Variants in DIAPH2 observed in about 807,000 individuals in gnomAD.
DIAPH2 encodes diaphanous related formin 2.
DIAPH2 carries 35 observed loss-of-function variants against 92.7 expected under a neutral mutation model. That is an observed-to-expected ratio of 0.38 (90% CI 0.29 to 0.50). DIAPH2 has a LOEUF of 0.50. Among genes scored for constraint, DIAPH2 ranks in the 20% least tolerant of loss-of-function variants. DIAPH2 has a pLI of 0.94. For synonymous variants in DIAPH2, 301 were observed against 280.4 expected, an observed-to-expected ratio of 1.07 and a Z score of -0.73; for missense variants, 701 against 819.5, an observed-to-expected ratio of 0.86 and a Z score of 1.77.
chrX:97,596,358 G>C (rs1030562477), intron 26 of DIAPH2, among the ~76,000 whole-genome samples: 47 of 111,617 alleles, frequency 4.2e-4, no homozygotes, highest in African/African-American at 1.4e-3. Flanking sequence ...TTCTCTCTTT[G>C]ATTTCCAAAA....
At chrX:96,820,742 A>G (rs1179283047) in intron 4 of DIAPH2, among the ~76,000 whole-genome samples, 2 of 112,229 alleles carry the variant, frequency 1.8e-5, no homozygotes, top group Non-Finnish European at 3.8e-5. Flanking sequence ...TGGAGCTTGC[A>G]GTAAAGAGTA....
Position 96,904,479 on chromosome X carries a change from G to A in DIAPH2, c.588-7849G>A, listed in dbSNP as rs183818662. Among the ~76,000 whole-genome samples the A allele has an allele frequency of 3.7e-3, 419 of 111,865 alleles. 1 individual carries two copies. Among genetic ancestry groups the A allele is most frequent in the African/African-American group, 0.013 (397 of 30,843 alleles). On this transcript the variant is annotated intron_variant, in intron 5 of 26. Transcript: ENST00000324765. Reference sequence around the variant, plus strand: ...TATGTTTTTATGGATCTAAGACCAAGTCAGTTGTAGTGTACACAAATCCAC... The same window carrying A: ...TATGTTTTTATGGATCTAAGACCAAATCAGTTGTAGTGTACACAAATCCAC...
intron 24 of DIAPH2, among the ~76,000 whole-genome samples, chrX:97,353,816 C>T (rs1421118368): frequency 9.0e-6 from 1 of 110,863 alleles, no homozygotes; most frequent in Non-Finnish European, 1.9e-5. Context: ...CTTCTACTTC[C>T]CAGATTGACT....
chrX:97,265,493 T>C, intron 23 of DIAPH2, among the ~76,000 whole-genome samples: 1 of 111,598 alleles, frequency 9.0e-6, no homozygotes, highest in Non-Finnish European at 1.9e-5. Context: ...AACCAGGTTA[T>C]GTGATGGTGA....
chrX:97,465,273 C>CACACACACACACACA (rs1569404531), intron 26 of DIAPH2, among the ~76,000 whole-genome samples: 125 of 106,874 alleles, frequency 1.2e-3, no homozygotes, highest in African/African-American at 4.1e-3. Flanking sequence ...TAGAATTCAC[C>CACACACACACACACA]CACACACACA....
intron 24 of DIAPH2, among the ~76,000 whole-genome samples, chrX:97,358,480 A>G (rs1250844854): frequency 9.0e-6 from 1 of 111,659 alleles, no homozygotes; most frequent in East Asian, 2.8e-4. Context: ...TTTCAGGATT[A>G]CCTGCAAAAG....
intron 22 of DIAPH2, among the ~76,000 whole-genome samples, chrX:97,159,645 C>A (rs1001314752): frequency 8.9e-6 from 1 of 111,778 alleles, no homozygotes; most frequent in African/African-American, 3.3e-5. Flanking sequence ...TGCATACAAC[C>A]ATAGCCACAT....
intron 26 of DIAPH2, among the ~76,000 whole-genome samples, chrX:97,589,935 G>T (rs771535929): frequency 8.9e-6 from 1 of 112,215 alleles, no homozygotes; most frequent in African/African-American, 3.2e-5. Context: ...CTTTTGACTG[G>T]CTTCTACCTT....
intron 25 of DIAPH2, among the ~76,000 whole-genome samples, chrX:97,405,994 C>A (rs2069806590): frequency 9.0e-6 from 1 of 111,566 alleles, no homozygotes; most frequent in Admixed American, 9.5e-5. Context: ...TCCAGGGCCA[C>A]CCTGGAAAAC....
chrX:97,265,541 G>A (rs749881069), intron 23 of DIAPH2, among the ~76,000 whole-genome samples: 7 of 111,758 alleles, frequency 6.3e-5, no homozygotes, highest in South Asian at 3.7e-4. Flanking sequence ...CCTTTTTGTC[G>A]TGGTGACGTT....
intron 4 of DIAPH2, among the ~76,000 whole-genome samples, chrX:96,838,829 A>G (rs965952489): frequency 5.3e-5 from 6 of 112,227 alleles, no homozygotes; most frequent in African/African-American, 1.9e-4. Context: ...TTCTTGTACA[A>G]ATGAGCCTAG....
chrX:96,884,520 A>G (rs751403798), intron 5 of DIAPH2: 9 of 1,210,309 alleles, frequency 7.4e-6, no homozygotes, highest in Non-Finnish European at 1.0e-5. Context: ...GGGGAATTAT[A>G]GTTTCCCAGG....
At chrX:96,897,275 C>T (rs1159803302) in intron 5 of DIAPH2, among the ~76,000 whole-genome samples, 1 of 111,255 alleles carries the variant, frequency 9.0e-6, no homozygotes, top group Admixed American at 9.6e-5. Context: ...AGACATCACC[C>T]AAGCAGTGTA....
chrX:97,194,449 T>C (rs2067682984), intron 22 of DIAPH2, among the ~76,000 whole-genome samples: 1 of 109,700 alleles, frequency 9.1e-6, no homozygotes, highest in African/African-American at 3.3e-5. Flanking sequence ...GCCCGGCTAA[T>C]TTCTTTTTGT....
intron 26 of DIAPH2, among the ~76,000 whole-genome samples, chrX:97,474,199 A>G (rs2070586435): frequency 8.9e-6 from 1 of 112,136 alleles, no homozygotes; most frequent in Non-Finnish European, 1.9e-5. Context: ...TAGATCATCA[A>G]TGAGTACTTA....
chrX:97,387,673 AAAT>A (rs1224797852), intron 25 of DIAPH2, among the ~76,000 whole-genome samples: 1 of 112,089 alleles, frequency 8.9e-6, no homozygotes, highest in Non-Finnish European at 1.9e-5. Context: ...GAAACTACCA[AAAT>A]AATGTTTGAC....
At chrX:97,079,939 G>GT (rs759047031) in intron 19 of DIAPH2, among the ~76,000 whole-genome samples, 28 of 108,808 alleles carry the variant, frequency 2.6e-4, no homozygotes, top group African/African-American at 9.0e-4. Flanking sequence ...TTTTTCTATA[G>GT]TTTTTTCTTG....
rs191709225 is a variant in DIAPH2 at position 97,016,923 on chromosome X, G to A, written c.2050+51716G>A. ...AGTTTCACGGAGAAACGTGGTGGTG[G>A]TCTAGTCTTGCTGGTTAATGTTGAA... is the stretch of plus-strand genomic sequence containing the variant. On this transcript the variant is annotated intron_variant, in intron 17 of 26. Coordinates refer to ENST00000324765, the MANE Select transcript of DIAPH2 (RefSeq NM_006729.5). Among the ~76,000 whole-genome samples the A allele has an allele frequency of 9.8e-5, 11 of 112,082 alleles. No individual in the cohort carries two copies. The East Asian group carries it at 3.1e-3, about 31-fold the overall frequency.
At chrX:97,324,334 A>G (rs991166618) in intron 23 of DIAPH2, among the ~76,000 whole-genome samples, 2 of 112,053 alleles carry the variant, frequency 1.8e-5, no homozygotes, top group African/African-American at 6.5e-5. Context: ...CTGTCATTTC[A>G]TATAAAATTC....
Sources: gnomAD v4.1 joint callset for allele counts (sites outside exome capture counted in the v4.1 genomes callset) on GRCh38, gnomAD v4.1.1 for gene constraint, MANE v1.5 for transcripts, NCBI Gene and HGNC (gene_info 2026-07-23, HGNC 2026-07-21) for gene names.